The following LINGO3 variants were observed in gnomAD, a reference collection of about 807,000 sequenced individuals.
LINGO3 encodes the protein leucine rich repeat and Ig domain containing 3.
For missense variants in LINGO3, 750 were observed against 867.7 expected, an observed-to-expected ratio of 0.86 and a Z score of 1.70; for synonymous variants, 427 against 444.2, an observed-to-expected ratio of 0.96 and a Z score of 0.49.
chr19:2,297,602 C>CTTTTT, the LINGO3 span, among the ~76,000 whole-genome samples: 1 of 130,982 alleles, frequency 7.6e-6, no homozygotes, highest in African/African-American at 2.8e-5. Context: ...CGCACCCGGC[C>CTTTTT]TTTTTTTTTT....
the LINGO3 span, among the ~76,000 whole-genome samples, chr19:2,303,947 A>C: frequency 6.6e-6 from 1 of 152,186 alleles, no homozygotes; most frequent in Non-Finnish European, 1.5e-5. Context: ...TCTGAGCCTC[A>C]GTTTCCTCTT....
At chr19:2,293,114 G>C (rs1006602575), upstream of LINGO3, among the ~76,000 whole-genome samples, 2 of 151,792 alleles carry the variant, frequency 1.3e-5, no homozygotes, top group Admixed American at 6.6e-5. Context: ...ACCCAGGCTG[G>C]AGTGCGGTGG....
At chr19:2,291,424 G>C in exon 1 of LINGO3, 2 of 1,613,386 alleles carry the variant, frequency 1.2e-6, no homozygotes, top group Non-Finnish European at 1.7e-6. Context: ...GACCCCGGGC[G>C]GGATGAGCTT....
the LINGO3 span, among the ~76,000 whole-genome samples, chr19:2,297,761 C>T: frequency 3.3e-5 from 5 of 152,130 alleles, no homozygotes; most frequent in African/African-American, 9.7e-5. Context: ...TACGCCACCA[C>T]GCCCAGCTAA....
chr19:2,305,880 G>A, the LINGO3 span, among the ~76,000 whole-genome samples: 2 of 152,192 alleles, frequency 1.3e-5, no homozygotes, highest in African/African-American at 4.8e-5. Flanking sequence ...TTGGGGACAC[G>A]CTGCCAGTCC....
chr19:2,293,190 G>A (rs1420505239), upstream of LINGO3, among the ~76,000 whole-genome samples: 1 of 151,798 alleles, frequency 6.6e-6, no homozygotes, highest in South Asian at 2.1e-4. Flanking sequence ...TCAGCCTCCC[G>A]AGTAACTGGG....
chr19:2,306,020 C>G, the LINGO3 span, among the ~76,000 whole-genome samples: 1 of 152,218 alleles, frequency 6.6e-6, no homozygotes, highest in Non-Finnish European at 1.5e-5. Context: ...CTGGGGGCCT[C>G]CCGACCCACT....
chr19:2,305,525 G>A, the LINGO3 span, among the ~76,000 whole-genome samples: 8 of 152,112 alleles, frequency 5.3e-5, no homozygotes, highest in Admixed American at 2.6e-4. Context: ...CTTCCAATCC[G>A]CCTCCTCTAT....
chr19:2,302,383 A>G, the LINGO3 span, among the ~76,000 whole-genome samples: 1 of 152,090 alleles, frequency 6.6e-6, no homozygotes, highest in South Asian at 2.1e-4. Context: ...AGGAGCTTAC[A>G]TTCTGGTGCG....
chr19:2,294,543 G>C (rs1038607149), upstream of LINGO3, among the ~76,000 whole-genome samples: 15 of 152,108 alleles, frequency 9.9e-5, no homozygotes, highest in African/African-American at 3.6e-4. This position sits in a 1 kb window ranked among gnomAD's most constrained non-coding sequence, Gnocchi z 4.3. Context: ...TGGGCTGGGG[G>C]AACAGCCACG....
chr19:2,294,119 C>A (rs1472906605), upstream of LINGO3, among the ~76,000 whole-genome samples: 1 of 152,178 alleles, frequency 6.6e-6, no homozygotes, highest in Non-Finnish European at 1.5e-5. The surrounding 1 kb of genome is among the most constrained non-coding windows in gnomAD (Gnocchi z 4.3). Flanking sequence ...CATTTGGAAT[C>A]AGGGTCTTTA....
the LINGO3 span, among the ~76,000 whole-genome samples, chr19:2,304,710 CTTTTTTT>C: frequency 8.2e-5 from 6 of 73,212 alleles, no homozygotes; most frequent in Non-Finnish European, 1.5e-4. Context: ...CCATGTCCTG[CTTTTTTT>C]TTTTTTTTTT....
the LINGO3 span, among the ~76,000 whole-genome samples, chr19:2,304,544 C>G: frequency 2.0e-5 from 3 of 150,772 alleles, no homozygotes; most frequent in African/African-American, 7.5e-5. Context: ...CGAGAGGAGG[C>G]GGGAGGGTGA....
the LINGO3 span, among the ~76,000 whole-genome samples, chr19:2,305,050 TG>T: frequency 2.6e-5 from 4 of 152,104 alleles, no homozygotes; most frequent in African/African-American, 9.7e-5. Flanking sequence ...TTTTGGACTC[TG>T]GCCTCCAGAA....
chr19:2,291,134 C>G, exon 1 of LINGO3: 1 of 1,607,678 alleles, frequency 6.2e-7, no homozygotes, highest in South Asian at 1.1e-5. Context: ...AAGTTCTGGT[C>G]CTCCAGGGAG....
chr19:2,299,003 G>A, the LINGO3 span, among the ~76,000 whole-genome samples: 1 of 152,192 alleles, frequency 6.6e-6, no homozygotes, highest in African/African-American at 2.4e-5. Flanking sequence ...TGTGACCTCT[G>A]TTGAGAAACC....
chr19:2,296,424 G>T (rs1018566095), upstream of LINGO3, among the ~76,000 whole-genome samples: 1 of 152,128 alleles, frequency 6.6e-6, no homozygotes, highest in Admixed American at 6.5e-5. Flanking sequence ...AGGATGCAGT[G>T]AGCTGAGATC....
upstream of LINGO3, among the ~76,000 whole-genome samples, chr19:2,294,591 T>C (rs1221214886): frequency 6.8e-6 from 1 of 147,744 alleles, no homozygotes; most frequent in Non-Finnish European, 1.5e-5. This position sits in a 1 kb window ranked among gnomAD's most constrained non-coding sequence, Gnocchi z 4.3. Flanking sequence ...CTGGTGAAGC[T>C]AAAGGAGAGA....
the LINGO3 span, among the ~76,000 whole-genome samples, chr19:2,304,345 C>CTGGGGTTGGCAGAA: frequency 6.6e-6 from 1 of 152,096 alleles, no homozygotes; most frequent in African/African-American, 2.4e-5. Context: ...GAAGGGGGGC[C>CTGGGGTTGGCAGAA]TGGGGTTGGC....
Sources: gnomAD v4.1 joint callset for allele counts (sites outside exome capture counted in the v4.1 genomes callset) on GRCh38, gnomAD v4.1.1 for gene constraint, Gnocchi (gnomAD v3.1) non-coding constraint, MANE v1.5 for transcripts, NCBI Gene and HGNC (gene_info 2026-07-23, HGNC 2026-07-21) for gene names.